Variants in COA8 observed in about 807,000 individuals in gnomAD.
COA8 encodes cytochrome c oxidase assembly factor 8.
In COA8, 20 loss-of-function variants were observed where a neutral mutation model predicts 22.0. The observed-to-expected ratio is 0.91, with a 90% CI of 0.64 to 1.32. The LOEUF (loss-of-function observed/expected upper bound fraction) is 1.32, where lower values mean the gene tolerates loss of function less well. COA8 is among the 40% of genes most tolerant of loss of function. The pLI, the probability that COA8 is intolerant of heterozygous loss-of-function variation, is 0.00. For missense variants in COA8, 266 were observed against 230.0 expected, an observed-to-expected ratio of 1.16 and a Z score of -1.01; for synonymous variants, 105 against 79.9, an observed-to-expected ratio of 1.31 and a Z score of -1.68.
intron 1 of COA8, among the ~76,000 whole-genome samples, chr14:103,566,278 G>A (rs1178341686): frequency 2.6e-5 from 4 of 152,028 alleles, no homozygotes; most frequent in East Asian, 1.9e-4. Context: ...AAAATTAGCC[G>A]GGCATGATGG....
At chr14:103,569,242 C>T (rs1185166686) in intron 1 of COA8, among the ~76,000 whole-genome samples, 1 of 152,200 alleles carries the variant, frequency 6.6e-6, no homozygotes, top group Non-Finnish European at 1.5e-5. Flanking sequence ...ATTTTCCTCC[C>T]CCAAGCTGCT....
At chr14:103,571,524 G>A (rs146194480) in intron 1 of COA8, 99 bp from the exon 2 acceptor site, 245 of 1,243,628 alleles carry the variant, frequency 2.0e-4, no homozygotes, top group Middle Eastern at 4.1e-4. Flanking sequence ...GCAACAGAGC[G>A]AGACTCCGTC....
chr14:103,568,579 GTATA>G (rs35129882), intron 1 of COA8, among the ~76,000 whole-genome samples: 1,800 of 146,214 alleles, frequency 0.012, 26 homozygotes, highest in African/African-American at 0.034. Flanking sequence ...ACGTGTGTGT[GTATA>G]TATATATATA....
chr14:103,568,589 A>ATATG (rs2076154916), intron 1 of COA8, among the ~76,000 whole-genome samples: 1 of 144,792 alleles, frequency 6.9e-6, no homozygotes, highest in East Asian at 2.0e-4. Flanking sequence ...GTATATATAT[A>ATATG]TATATGTATA....
chr14:103,585,853 C>T (rs867370911), intron 3 of COA8, among the ~76,000 whole-genome samples: 25 of 151,780 alleles, frequency 1.6e-4, no homozygotes, highest in South Asian at 8.3e-4. Flanking sequence ...GGATTACAGG[C>T]GTGAGCCACC....
At chr14:103,588,282 A>G (rs1022524526) in intron 4 of COA8, 4 of 397,174 alleles carry the variant, frequency 1.0e-5, no homozygotes, top group African/African-American at 4.1e-5. Flanking sequence ...TGGGAGGCCA[A>G]GGTGGGTAGA....
At chr14:103,573,956 A>T in intron 2 of COA8, 151 bp from the exon 3 acceptor site, 1 of 1,031,746 alleles carries the variant, frequency 9.7e-7, no homozygotes, top group Non-Finnish European at 1.3e-6. Context: ...AGAGGGTTTT[A>T]AACGAGCTTT....
rs148093346 is a variant in COA8, at chr14:103,564,421, A to C, written c.123+1297A>C. On this transcript the variant is annotated intron_variant, in intron 1 of 4. Coordinates refer to ENST00000409074, the MANE Select transcript of COA8 (RefSeq NM_001370595.2). Reference sequence around the variant, plus strand: ...CTATCTTTGGGCAGAAAGATAGAGCAGGTGTCTGAAAATGCTCTAAGAGAG... The same window carrying C: ...CTATCTTTGGGCAGAAAGATAGAGCCGGTGTCTGAAAATGCTCTAAGAGAG... Among the ~76,000 whole-genome samples the C allele has an allele frequency of 3.3e-5, 5 of 152,264 alleles. No homozygotes were observed. The East Asian group carries it at 9.6e-4, about 29-fold the overall frequency.
At chr14:103,582,692 C>T (rs2093631211) in intron 3 of COA8, among the ~76,000 whole-genome samples, 1 of 150,458 alleles carries the variant, frequency 6.6e-6, no homozygotes, top group Non-Finnish European at 1.5e-5. Context: ...ATGAATTATG[C>T]TGTGACCTTT....
chr14:103,568,621 GTA>G (rs57741003), intron 1 of COA8, among the ~76,000 whole-genome samples: 38,772 of 141,182 alleles, frequency 0.27, 5,262 homozygotes, highest in East Asian at 0.42. Context: ...ATGTGTGTGT[GTA>G]TATATATATA....
At chr14:103,570,844 T>A (rs9652308) in intron 1 of COA8, among the ~76,000 whole-genome samples, 2,882 of 152,242 alleles carry the variant, frequency 0.019, 94 homozygotes, top group African/African-American at 0.065. Flanking sequence ...AAAAATAGTT[T>A]GGAGGAAGGG....
chr14:103,571,920 G>A (rs2142284279), intron 2 of COA8, 100 bp downstream of exon 2: 1 of 974,388 alleles, frequency 1.0e-6, no homozygotes, highest in Non-Finnish European at 1.5e-6. Flanking sequence ...GAGGTCAGGA[G>A]ATCGAGACCA....
At chr14:103,577,867 A>G (rs1321740236) in intron 3 of COA8, among the ~76,000 whole-genome samples, 2 of 152,002 alleles carry the variant, frequency 1.3e-5, no homozygotes, top group East Asian at 3.9e-4. Context: ...TCTACTAAAA[A>G]TACAAAATTA....
Position 103,574,148 on chromosome 14 carries a change from C to T in COA8, c.363C>T (p.Gly121=). Residue 121 remains glycine (G), a synonymous_variant, in exon 3 of 5, where the codon GGC becomes GGT. Transcript: ENST00000409074. ...TTCACTCAAGACTAAAAACTAAAGG[C>T]CTGGGCCTGAGAACTGAATCAGGTT... ...EFIHSRLKTK[G]LGLRTESGQK... is the part of the protein sequence containing the mutation. 6.3e-7 allele frequency: 1 copy of T among 1,590,320 alleles called. No homozygotes were observed. The highest frequency in any genetic ancestry group is 8.6e-7 in the Non-Finnish European group (1 of 1,167,106).
intron 1 of COA8, among the ~76,000 whole-genome samples, chr14:103,571,145 C>T (rs943332420): frequency 3.9e-5 from 6 of 152,118 alleles, no homozygotes; most frequent in African/African-American, 1.2e-4. Flanking sequence ...TAGGGTCTCT[C>T]ATTAGCTTAA....
chr14:103,565,801 A>C (rs1215433985), intron 1 of COA8, among the ~76,000 whole-genome samples: 3 of 151,736 alleles, frequency 2.0e-5, no homozygotes, highest in African/African-American at 4.8e-5. Flanking sequence ...TTTTTTGTAG[A>C]GACGGGTTTC....
intron 1 of COA8, 118 bp from the exon 2 acceptor site, chr14:103,571,505 T>C: frequency 9.8e-6 from 10 of 1,023,644 alleles, no homozygotes; most frequent in Non-Finnish European, 1.4e-5. Flanking sequence ...GCCACTACAC[T>C]CCAGTCTGGC....
chr14:103,586,583 G>A lies in COA8; in HGVS notation c.386-691G>A, dbSNP rs144162913. ...GTCTCTATCTCTTGATCTTCTGATCGGCCCAGCCCGGCCTCCCAAAGTGCT... is the reference window on the plus strand; with the variant it reads ...GTCTCTATCTCTTGATCTTCTGATCAGCCCAGCCCGGCCTCCCAAAGTGCT... On this transcript the variant is annotated intron_variant, in intron 3 of 4. Transcript: ENST00000409074. Among the ~76,000 whole-genome samples, 1,481 of 150,600 alleles carry A rather than the reference G, an allele frequency of 9.8e-3. 26 individuals are homozygous for A. Among genetic ancestry groups the A allele is most frequent in the Non-Finnish European group, 0.013 (904 of 67,786 alleles).
At chr14:103,573,968 A>G in intron 2 of COA8, 139 bp from the exon 3 acceptor site, 3 of 1,115,368 alleles carry the variant, frequency 2.7e-6, no homozygotes, top group Non-Finnish European at 2.4e-6. Context: ...ACGAGCTTTG[A>G]GATGGGTCAC....
Sources: allele counts gnomAD v4.1 joint callset (sites outside exome capture counted in the v4.1 genomes callset), GRCh38; gene constraint gnomAD v4.1.1; transcripts MANE v1.5; gene names NCBI Gene and HGNC (gene_info 2026-07-23, HGNC 2026-07-21).